Variants in MYRFL observed in about 807,000 individuals in gnomAD.
MYRFL encodes the protein myelin regulatory factor-like protein.
In MYRFL, 88 loss-of-function variants were observed where a neutral mutation model predicts 109.4. That is an observed-to-expected ratio of 0.80 (90% confidence interval 0.68 to 0.96). The LOEUF (loss-of-function observed/expected upper bound fraction) is 0.96, where lower values mean the gene tolerates loss of function less well. Among genes scored for constraint, MYRFL ranks in the 40% least tolerant of loss-of-function variants. The pLI, the probability that MYRFL is intolerant of heterozygous loss-of-function variation, is 0.00. For missense variants in MYRFL, 957 were observed against 954.9 expected (o/e 1.00, Z -0.03); for synonymous variants, 324 against 320.9 (o/e 1.01, Z -0.10).
At chr12:69,912,317 C>T (rs920839260) in intron 13 of MYRFL, among the ~76,000 whole-genome samples, 1 of 152,150 alleles carries the variant, frequency 6.6e-6, no homozygotes, top group Admixed American at 6.5e-5. Flanking sequence ...ATACACAAAA[C>T]ATAACATGTA....
At chr12:69,829,501 G>A (rs1882487903) in intron 1 of MYRFL, among the ~76,000 whole-genome samples, 3 of 152,218 alleles carry the variant, frequency 2.0e-5, no homozygotes, top group East Asian at 3.9e-4. Context: ...GTAGAGGAGA[G>A]CCGTTGCTTG....
intron 2 of MYRFL, among the ~76,000 whole-genome samples, chr12:69,867,578 C>T (rs746676038): frequency 1.3e-5 from 2 of 152,098 alleles, no homozygotes; most frequent in South Asian, 2.1e-4. Flanking sequence ...AAGGAATCAA[C>T]GGCAGGCTTC....
chr12:69,826,800 A>G (rs1422258939), intron 1 of MYRFL, among the ~76,000 whole-genome samples: 1 of 152,130 alleles, frequency 6.6e-6, no homozygotes, highest in Non-Finnish European at 1.5e-5. Flanking sequence ...AGTGAGTCCC[A>G]TCCCCCTGAA....
At chr12:69,899,567 T>C (rs968450091) in intron 10 of MYRFL, among the ~76,000 whole-genome samples, 8 of 152,220 alleles carry the variant, frequency 5.3e-5, no homozygotes, top group African/African-American at 1.9e-4. Flanking sequence ...CTACATTAAA[T>C]GGAGAAATGA....
chr12:69,909,753 C>T (rs1372127425), intron 11 of MYRFL, among the ~76,000 whole-genome samples: 4 of 152,186 alleles, frequency 2.6e-5, no homozygotes, highest in Non-Finnish European at 4.4e-5. Context: ...GCCCTGCTGG[C>T]CGGGGTGATG....
intron 5 of MYRFL, among the ~76,000 whole-genome samples, chr12:69,884,567 A>G (rs962568543): frequency 6.6e-6 from 1 of 152,228 alleles, no homozygotes; most frequent in African/African-American, 2.4e-5. Context: ...GCCTGAGAAC[A>G]TTGACCTTGC....
intron 16 of MYRFL, among the ~76,000 whole-genome samples, chr12:69,935,119 C>T (rs1955404895): frequency 6.6e-6 from 1 of 152,166 alleles, no homozygotes; most frequent in Non-Finnish European, 1.5e-5. Context: ...CAGGGCTGTG[C>T]CTGCTGGGCA....
At chr12:69,956,549 A>G (rs77948141) in intron 22 of MYRFL, among the ~76,000 whole-genome samples, 4,861 of 150,482 alleles carry the variant, frequency 0.032, 261 homozygotes, top group African/African-American at 0.11. Context: ...CCCCCTCCAC[A>G]TTTCCTTTCT....
At chr12:69,924,590 A>C (rs1030840916) in intron 13 of MYRFL, among the ~76,000 whole-genome samples, 4 of 152,186 alleles carry the variant, frequency 2.6e-5, no homozygotes, top group African/African-American at 9.7e-5. Context: ...GACTCCTAGA[A>C]GTGGGTGTAC....
intron 5 of MYRFL, among the ~76,000 whole-genome samples, chr12:69,884,098 G>A (rs1391566133): frequency 6.6e-6 from 1 of 152,174 alleles, no homozygotes; most frequent in Non-Finnish European, 1.5e-5. Context: ...GTATAAAATA[G>A]TGTACTTATG....
intron 13 of MYRFL, among the ~76,000 whole-genome samples, chr12:69,918,494 A>C (rs1954815974): frequency 6.6e-6 from 1 of 152,194 alleles, no homozygotes; most frequent in African/African-American, 2.4e-5. Flanking sequence ...CTCTCTCTGG[A>C]ACCAATACAA....
At chr12:69,875,849 T>C (rs929495015) in intron 2 of MYRFL, among the ~76,000 whole-genome samples, 4 of 152,206 alleles carry the variant, frequency 2.6e-5, no homozygotes, top group African/African-American at 9.6e-5. Context: ...TGGGGATTGC[T>C]GTTGTAGAGT....
At chr12:69,916,482 T>C (rs1566022982) in intron 13 of MYRFL, among the ~76,000 whole-genome samples, 1 of 152,172 alleles carries the variant, frequency 6.6e-6, no homozygotes, top group Non-Finnish European at 1.5e-5. Context: ...TCAGTACTAT[T>C]TTTCTTCCTT....
chr12:69,838,529 C>G (rs1883076033), intron 1 of MYRFL, among the ~76,000 whole-genome samples: 1 of 152,200 alleles, frequency 6.6e-6, no homozygotes, highest in Admixed American at 6.5e-5. Context: ...GTCAGCTTCT[C>G]TTTCCCAAAT....
intron 2 of MYRFL, among the ~76,000 whole-genome samples, chr12:69,860,142 C>G (rs563046051): frequency 3.9e-5 from 6 of 152,014 alleles, no homozygotes; most frequent in Non-Finnish European, 8.8e-5. Flanking sequence ...ATGTTGTTCC[C>G]CCTTGTGTTC....
intron 13 of MYRFL, among the ~76,000 whole-genome samples, chr12:69,921,407 T>G (rs1322715768): frequency 6.6e-6 from 1 of 152,214 alleles, no homozygotes; most frequent in Non-Finnish European, 1.5e-5. Flanking sequence ...CTCAGGCATC[T>G]GTGATATGGG....
chr12:69,875,020 C>T (rs1885576779), intron 2 of MYRFL, among the ~76,000 whole-genome samples: 1 of 150,204 alleles, frequency 6.7e-6, no homozygotes, highest in African/African-American at 2.4e-5. Flanking sequence ...TTAAGAAGCT[C>T]AGCAAAATAA....
At chr12:69,919,107 T>C (rs1221043188) in intron 13 of MYRFL, among the ~76,000 whole-genome samples, 4 of 152,328 alleles carry the variant, frequency 2.6e-5, no homozygotes, top group South Asian at 4.1e-4. Context: ...TAGCATATCA[T>C]AGGTGCTTAA....
intron 19 of MYRFL, chr12:69,946,746 C>G (rs1456064143): frequency 1.3e-5 from 2 of 152,238 alleles, no homozygotes; most frequent in African/African-American, 4.8e-5. Context: ...CATTTTGCAG[C>G]TGATGAAATG....
Sources: allele counts gnomAD v4.1 joint callset (sites outside exome capture counted in the v4.1 genomes callset), GRCh38; gene constraint gnomAD v4.1.1; transcripts MANE v1.5; gene names NCBI Gene and HGNC (gene_info 2026-07-23, HGNC 2026-07-21).